Variants in CASS4 observed in about 807,000 individuals in gnomAD.
CASS4 encodes the protein Cas scaffold protein family member 4, also known as cas scaffolding protein family member 4.
A neutral mutation model predicts 54.2 loss-of-function variants in CASS4; 22 were observed. That is an observed-to-expected ratio of 0.41 (90% CI 0.29 to 0.58). CASS4 has a LOEUF of 0.58. Ranked by LOEUF, CASS4 falls within the 20% of genes least tolerant of loss-of-function variation. The pLI is 0.36. For synonymous variants in CASS4, 409 were observed against 391.5 expected (o/e 1.04, Z -0.53); for missense variants, 854 against 986.7 (o/e 0.87, Z 1.80).
intron 1 of CASS4, among the ~76,000 whole-genome samples, chr20:56,417,204 C>A (rs1197064961): frequency 6.6e-6 from 1 of 152,160 alleles, no homozygotes; most frequent in African/African-American, 2.4e-5. Context: ...CTCTTTGTAC[C>A]TTTAGCAGCT....
At chr20:56,456,148 G>A (rs1042527486) in intron 5 of CASS4, among the ~76,000 whole-genome samples, 70 of 152,008 alleles carry the variant, frequency 4.6e-4, no homozygotes, top group African/African-American at 1.6e-3. Context: ...TTGGCCACCG[G>A]GTGGACAGTT....
At position 56,445,926 on chromosome 20, in the gene CASS4, C is replaced by T. The variant is rs1980685812; in HGVS notation, c.486C>T (p.Val162=). 6.2e-7 allele frequency: 1 copy of T among 1,614,064 alleles called. No homozygotes were observed. The highest frequency in any genetic ancestry group is 2.2e-5 in the East Asian group (1 of 44,884). Residue 162 remains valine, a synonymous_variant, in exon 3 of 6, where the codon GTC becomes GTT. Coordinates refer to ENST00000679887, the MANE Select transcript of CASS4 (RefSeq NM_020356.4). ...KQAILTLPRP[V]RASLPTLPSQ... ...CCATCCTCACGCTTCCCAGACCTGTCCGGGCCTCACTGCCGACTCTGCCTT... is the reference window on the plus strand; with the variant it reads ...CCATCCTCACGCTTCCCAGACCTGTTCGGGCCTCACTGCCGACTCTGCCTT...
intron 2 of CASS4, among the ~76,000 whole-genome samples, chr20:56,441,861 T>C (rs141253006): frequency 6.6e-6 from 1 of 152,186 alleles, no homozygotes; most frequent in Non-Finnish European, 1.5e-5. Flanking sequence ...AAATACTTTC[T>C]TCTTCCTCTA....
chr20:56,429,600 C>T (rs536496336), intron 1 of CASS4, among the ~76,000 whole-genome samples: 2 of 152,156 alleles, frequency 1.3e-5, no homozygotes, highest in South Asian at 2.1e-4. Flanking sequence ...TTTCCATGCG[C>T]CCCCAACACA....
At chr20:56,427,495 A>G (rs1003281098) in intron 1 of CASS4, among the ~76,000 whole-genome samples, 13 of 152,220 alleles carry the variant, frequency 8.5e-5, no homozygotes, top group Non-Finnish European at 8.8e-5. Flanking sequence ...TTGAATTTAC[A>G]TGAAATGAAA....
rs140730707 is a variant in CASS4, at chr20:56,414,941, C to G, written c.36+2447C>G. Among the ~76,000 whole-genome samples, 2 of 152,242 alleles carry G rather than the reference C, an allele frequency of 1.3e-5. No homozygotes were observed. The highest frequency in any genetic ancestry group is 4.8e-5 in the African/African-American group (2 of 41,532). On this transcript the variant is annotated intron_variant, in intron 1 of 5. Transcript: ENST00000679887. This position sits in a 1 kb window ranked among gnomAD's most constrained non-coding sequence, Gnocchi z 4.1. ...GGCCCTGTGCTGAGTGCTCTACTTG[C>G]ATTTTCTCACTATTACATCCTCACA...
chr20:56,434,499 C>A (rs955321144), intron 1 of CASS4, among the ~76,000 whole-genome samples: 3 of 152,112 alleles, frequency 2.0e-5, no homozygotes, highest in Non-Finnish European at 4.4e-5. Flanking sequence ...TGCAGTGGCA[C>A]CATTTCAGCT....
intron 1 of CASS4, among the ~76,000 whole-genome samples, chr20:56,432,355 CTTTTTTTTTTTTT>C (rs922336949): frequency 2.0e-5 from 2 of 101,064 alleles, no homozygotes; most frequent in African/African-American, 4.1e-5. Flanking sequence ...TTCATAAGTC[CTTTTTTTTTTTTT>C]TTTTTTTTTT....
At chr20:56,416,081 A>G (rs1979122851) in intron 1 of CASS4, among the ~76,000 whole-genome samples, 1 of 152,036 alleles carries the variant, frequency 6.6e-6, no homozygotes. Flanking sequence ...GTGGAGTTTC[A>G]CTCTGTCGTC....
chr20:56,438,087 G>A (rs570724186), intron 2 of CASS4, among the ~76,000 whole-genome samples: 2 of 152,156 alleles, frequency 1.3e-5, no homozygotes, highest in East Asian at 1.9e-4. Context: ...CTCAGAGTTC[G>A]GGACCAGCCT....
At chr20:56,455,110 T>C (rs981477023) in intron 5 of CASS4, among the ~76,000 whole-genome samples, 3 of 146,282 alleles carry the variant, frequency 2.1e-5, no homozygotes, top group Non-Finnish European at 4.5e-5. Flanking sequence ...ACACCTCTTT[T>C]ACACTTGATG....
Position 56,437,515 on chromosome 20 carries a change from G to T in CASS4, c.388G>T (p.Val130Phe). ...AEGPQPPTAQVYEFPDPPTSA... is the reference protein window; with the variant it reads ...AEGPQPPTAQFYEFPDPPTSA... ...GGGGCCCCAGCCCCCTACTGCCCAA[G>T]TCTATGAATTCCCCGACCCTCCCAC... Residue 130 changes from valine to phenylalanine, a missense_variant, in exon 2 of 6, where the codon GTC becomes TTC. Coordinates refer to ENST00000679887, the MANE Select transcript of CASS4 (RefSeq NM_020356.4). This position sits in a 1 kb window ranked among gnomAD's most constrained non-coding sequence, Gnocchi z 4.7. The T allele has an allele frequency of 6.3e-7, 1 of 1,589,488 alleles. No homozygotes were observed. The highest frequency in any genetic ancestry group is 8.6e-7 in the Non-Finnish European group (1 of 1,168,272).
In CASS4 at chr20:56,452,393, G is replaced by C. The variant is rs1162793324; in HGVS notation, c.1217G>C (p.Arg406Thr). The C allele has an allele frequency of 6.2e-7, 1 of 1,613,900 alleles. No individual in the cohort carries two copies. The highest frequency in any genetic ancestry group is 1.3e-5 in the African/African-American group (1 of 74,918). Reference sequence around the variant, plus strand: ...TTATCAGGTTCCAGTTCTGACAGCAGAGCTAGCATCGTTTCCTCGTGCTCC... The same window carrying C: ...TTATCAGGTTCCAGTTCTGACAGCACAGCTAGCATCGTTTCCTCGTGCTCC... ...DRLSGSSSDS[R>T]ASIVSSCSTT... The change falls in exon 5 of 6, where the codon AGA becomes ACA. Residue 406 changes from arginine to threonine, a missense_variant. Arg to Thr is a moderately conservative substitution (Grantham distance 71). Transcript: ENST00000679887.
At position 56,452,211 on chromosome 20, in the gene CASS4, C is replaced by T. The variant is rs116883472; in HGVS notation, c.1035C>T (p.Thr345=). The T allele has an allele frequency of 6.8e-5, 109 of 1,614,164 alleles. No homozygotes were observed. Among genetic ancestry groups the T allele is most frequent in the Non-Finnish European group, 8.3e-5 (98 of 1,180,032 alleles). Residue 345 remains threonine (T), a synonymous_variant, in exon 5 of 6, where the codon ACC becomes ACT. Transcript: ENST00000679887. The stretch of plus-strand genomic sequence containing the variant: ...TTCCCCGAGTGGAACAGCAGAACAC[C>T]AAGCCCAATATTTATGACATCCCTA... ...FLIPRVEQQN[T]KPNIYDIPKA...
At chr20:56,425,203 C>T (rs563244302) in intron 1 of CASS4, among the ~76,000 whole-genome samples, 111 of 152,306 alleles carry the variant, frequency 7.3e-4, no homozygotes, top group African/African-American at 2.6e-3. Context: ...CAGCGAGCCT[C>T]CCCCAGGAGC....
intron 1 of CASS4, among the ~76,000 whole-genome samples, chr20:56,419,015 G>T (rs965626274): frequency 1.3e-5 from 2 of 152,132 alleles, no homozygotes; most frequent in African/African-American, 4.8e-5. Flanking sequence ...GGGAAAAAAA[G>T]CTAAGGAGAA....
intron 1 of CASS4, among the ~76,000 whole-genome samples, chr20:56,429,639 C>T (rs777624719): frequency 7.9e-5 from 12 of 152,230 alleles, no homozygotes; most frequent in East Asian, 3.9e-4. Flanking sequence ...TACTCACACA[C>T]GCCCCCTCAC....
intron 3 of CASS4, among the ~76,000 whole-genome samples, chr20:56,449,341 G>T (rs375097014): frequency 1.3e-5 from 2 of 152,056 alleles, no homozygotes; most frequent in South Asian, 4.1e-4. Context: ...CCATCATTCT[G>T]CACAAACTAT....
At chr20:56,444,959 A>T (rs1299561068) in intron 2 of CASS4, among the ~76,000 whole-genome samples, 1 of 152,076 alleles carries the variant, frequency 6.6e-6, no homozygotes, top group Non-Finnish European at 1.5e-5. Flanking sequence ...GAAAACACAA[A>T]ATTAGCCTGG....
Sources: gnomAD v4.1 joint callset for allele counts (sites outside exome capture counted in the v4.1 genomes callset) on GRCh38, gnomAD v4.1.1 for gene constraint, Gnocchi (gnomAD v3.1) non-coding constraint, MANE v1.5 for transcripts, NCBI Gene and HGNC (gene_info 2026-07-23, HGNC 2026-07-21) for gene names.